Variants in PIBF1 observed in about 807,000 individuals in gnomAD.
PIBF1 encodes the protein progesterone-induced-blocking factor 1.
In PIBF1, 90 loss-of-function variants were observed where a neutral mutation model predicts 112.5. That is an observed-to-expected ratio of 0.80 (90% CI 0.67 to 0.95). The LOEUF (loss-of-function observed/expected upper bound fraction) is 0.95, where lower values mean the gene tolerates loss of function less well. Among genes scored for constraint, PIBF1 ranks in the 40% least tolerant of loss-of-function variants. PIBF1 has a pLI of 0.00. For synonymous variants in PIBF1, 301 were observed against 288.6 expected, an observed-to-expected ratio of 1.04 and a Z score of -0.44; for missense variants, 915 against 852.3, an observed-to-expected ratio of 1.07 and a Z score of -0.92.
intron 10 of PIBF1, among the ~76,000 whole-genome samples, chr13:72,893,562 A>C (rs2040142610): frequency 6.6e-6 from 1 of 152,178 alleles, no homozygotes; most frequent in Non-Finnish European, 1.5e-5. Context: ...AGAAAGAATG[A>C]AAATAAGGGT....
At position 72,965,274 on chromosome 13, in the gene PIBF1, C is replaced by T. The variant is rs761423400; in HGVS notation, c.1834C>T (p.Leu612Phe). The T allele has an allele frequency of 1.2e-6, 2 of 1,607,150 alleles. No homozygotes were observed. The highest frequency in any genetic ancestry group is 1.1e-5 in the South Asian group (1 of 89,238). The change falls in exon 15 of 18, where the codon CTT (leucine) becomes TTT (phenylalanine). Residue 612 changes from leucine (L) to phenylalanine (F), a missense_variant and splice_region_variant. Transcript: ENST00000326291. ...TTTAATGAAACCTGTGTTTCTTTAGCTTGACAGAGCCAATTCGCTATTAAA... is the reference window on the plus strand; with the variant it reads ...TTTAATGAAACCTGTGTTTCTTTAGTTTGACAGAGCCAATTCGCTATTAAA... The part of the protein sequence containing the change: ...KDQVTQLSQE[L>F]DRANSLLNQT...
At chr13:72,930,519 A>C (rs1392848866) in intron 13 of PIBF1, among the ~76,000 whole-genome samples, 2 of 152,202 alleles carry the variant, frequency 1.3e-5, no homozygotes, top group Non-Finnish European at 2.9e-5. Context: ...GTTTCTTAAA[A>C]GTAGAATTGA....
chr13:72,974,926 G>C (rs752469854), intron 16 of PIBF1, among the ~76,000 whole-genome samples: 3 of 152,150 alleles, frequency 2.0e-5, no homozygotes, highest in Non-Finnish European at 2.9e-5. Context: ...CGATGAATGA[G>C]AGTTCCAGTT....
At chr13:72,969,421 G>A (rs1303934282) in intron 15 of PIBF1, among the ~76,000 whole-genome samples, 1 of 152,128 alleles carries the variant, frequency 6.6e-6, no homozygotes, top group African/African-American at 2.4e-5. Flanking sequence ...TGATATTTTA[G>A]TACATTCTGA....
chr13:72,807,686 G>A (rs2035805265), intron 5 of PIBF1, among the ~76,000 whole-genome samples: 2 of 152,192 alleles, frequency 1.3e-5, no homozygotes, highest in Non-Finnish European at 2.9e-5. Flanking sequence ...AGGGCAGATT[G>A]GAGGAAGGTC....
At chr13:72,984,214 A>G (rs1207628341) in intron 16 of PIBF1, among the ~76,000 whole-genome samples, 5 of 152,200 alleles carry the variant, frequency 3.3e-5, no homozygotes, top group Admixed American at 3.3e-4. Context: ...TATTGTATTA[A>G]CAGTGAGAAT....
chr13:72,787,138 G>A (rs571481191), intron 2 of PIBF1, among the ~76,000 whole-genome samples: 2 of 152,030 alleles, frequency 1.3e-5, no homozygotes, highest in South Asian at 4.2e-4. Flanking sequence ...ACATGCCCTG[G>A]GAATAACACC....
At chr13:72,960,184 G>A (rs553589712) in intron 14 of PIBF1, among the ~76,000 whole-genome samples, 3 of 152,220 alleles carry the variant, frequency 2.0e-5, no homozygotes, top group Non-Finnish European at 2.9e-5. Context: ...AGAGTAAGGC[G>A]GTTATAGGTT....
At chr13:72,849,794 A>G (rs957060299) in intron 9 of PIBF1, among the ~76,000 whole-genome samples, 1 of 152,132 alleles carries the variant, frequency 6.6e-6, no homozygotes, top group Non-Finnish European at 1.5e-5. Context: ...TTGGGTGCAC[A>G]TTTGGACTCT....
At chr13:72,861,334 G>T (rs1323472321) in intron 10 of PIBF1, among the ~76,000 whole-genome samples, 2 of 151,766 alleles carry the variant, frequency 1.3e-5, no homozygotes, top group Non-Finnish European at 2.9e-5. Context: ...TATTTTAAAA[G>T]AATTTTCATT....
chr13:72,811,979 T>C (rs1199703568), intron 5 of PIBF1, among the ~76,000 whole-genome samples: 1 of 152,228 alleles, frequency 6.6e-6, no homozygotes, highest in African/African-American at 2.4e-5. Context: ...CATAAGACTT[T>C]TTTTTCCCTT....
chr13:72,815,263 A>G (rs2036211584), intron 5 of PIBF1, among the ~76,000 whole-genome samples: 1 of 152,268 alleles, frequency 6.6e-6, no homozygotes, highest in African/African-American at 2.4e-5. Flanking sequence ...ATTCCAGCAC[A>G]GAAAGAATAA....
At chr13:72,950,419 T>C (rs2042265560) in intron 14 of PIBF1, among the ~76,000 whole-genome samples, 1 of 152,240 alleles carries the variant, frequency 6.6e-6, no homozygotes, top group Non-Finnish European at 1.5e-5. Context: ...GTTAACATTT[T>C]AATCACTCAG....
At chr13:72,811,161 G>A (rs2035992326) in intron 5 of PIBF1, among the ~76,000 whole-genome samples, 2 of 152,168 alleles carry the variant, frequency 1.3e-5, no homozygotes. Context: ...CACCCAGCCA[G>A]AACCTCAATT....
intron 14 of PIBF1, among the ~76,000 whole-genome samples, chr13:72,945,394 G>T (rs989500637): frequency 6.6e-6 from 1 of 152,158 alleles, no homozygotes; most frequent in Admixed American, 6.5e-5. Context: ...GTTCCTTTGG[G>T]TTTATACCCA....
intron 14 of PIBF1, among the ~76,000 whole-genome samples, chr13:72,943,900 A>G (rs1288844661): frequency 1.3e-5 from 2 of 152,184 alleles, no homozygotes; most frequent in African/African-American, 4.8e-5. Flanking sequence ...GTAAGTGGAA[A>G]TAATAATACT....
At chr13:72,946,561 C>T (rs1344957516) in intron 14 of PIBF1, among the ~76,000 whole-genome samples, 1 of 152,182 alleles carries the variant, frequency 6.6e-6, no homozygotes, top group Non-Finnish European at 1.5e-5. Context: ...AAAGTCTTAT[C>T]TGAGACAAGG....
intron 16 of PIBF1, chr13:72,974,158 A>G (rs1252810131): frequency 6.4e-6 from 1 of 156,448 alleles, no homozygotes; most frequent in Non-Finnish European, 1.4e-5. Flanking sequence ...GGCAGTTAGT[A>G]ACTAAGAGAT....
intron 14 of PIBF1, among the ~76,000 whole-genome samples, chr13:72,936,938 G>T (rs1057171865): frequency 2.3e-4 from 35 of 151,694 alleles, no homozygotes; most frequent in African/African-American, 8.0e-4. Context: ...CCTTATTTAC[G>T]TCTTCTTTAA....
Sources: allele counts gnomAD v4.1 joint callset (sites outside exome capture counted in the v4.1 genomes callset), GRCh38; gene constraint gnomAD v4.1.1; transcripts MANE v1.5; gene names NCBI Gene and HGNC (gene_info 2026-07-23, HGNC 2026-07-21).